Variants in MCTP1 observed in about 807,000 individuals in gnomAD.
MCTP1 encodes multiple C2 and transmembrane domain containing 1.
Under a neutral mutation model 120.6 loss-of-function variants are expected in MCTP1, and 69 were observed. That is an observed-to-expected ratio of 0.57 (90% CI 0.47 to 0.70). The LOEUF is 0.70. MCTP1 is among the 30% of genes least tolerant of loss of function. The pLI is 0.00. For synonymous variants in MCTP1, 529 were observed against 493.1 expected (o/e 1.07, Z -0.96); for missense variants, 1,203 against 1,248.8 (o/e 0.96, Z 0.55).
chr5:94,775,616 T>C (rs1327084209), intron 19 of MCTP1, among the ~76,000 whole-genome samples: 1 of 152,176 alleles, frequency 6.6e-6, no homozygotes, highest in Non-Finnish European at 1.5e-5. Flanking sequence ...GAACTCAGTA[T>C]GATGTCTTTC....
At chr5:94,765,880 A>T (rs1485820991) in intron 19 of MCTP1, among the ~76,000 whole-genome samples, 3 of 152,134 alleles carry the variant, frequency 2.0e-5, no homozygotes, top group Non-Finnish European at 4.4e-5. Flanking sequence ...AAAAGACATT[A>T]TAACTGATAC....
At chr5:95,130,289 T>C (rs1758946038) in intron 1 of MCTP1, among the ~76,000 whole-genome samples, 1 of 152,182 alleles carries the variant, frequency 6.6e-6, no homozygotes, top group Non-Finnish European at 1.5e-5. Flanking sequence ...TCCTATCTCC[T>C]ACCTCCTGGA....
At chr5:95,253,340 G>A (rs1460875201) in intron 1 of MCTP1, among the ~76,000 whole-genome samples, 1 of 152,024 alleles carries the variant, frequency 6.6e-6, no homozygotes, top group African/African-American at 2.4e-5. Context: ...CAGGGGGTGG[G>A]ACAACCATCT....
intron 1 of MCTP1, among the ~76,000 whole-genome samples, chr5:95,139,408 T>C (rs757574725): frequency 3.3e-5 from 5 of 152,198 alleles, no homozygotes; most frequent in Non-Finnish European, 5.9e-5. Context: ...GATCTAAACA[T>C]TGCACCATGT....
At chr5:95,024,218 T>G (rs1468890877) in intron 1 of MCTP1, 1 of 278,968 alleles carries the variant, frequency 3.6e-6, no homozygotes, top group African/African-American at 2.3e-5. Flanking sequence ...CTTCTGGTAG[T>G]TTTACAATTT....
intron 1 of MCTP1, among the ~76,000 whole-genome samples, chr5:95,174,148 T>C (rs1562208033): frequency 6.6e-6 from 1 of 152,166 alleles, no homozygotes; most frequent in African/African-American, 2.4e-5. Flanking sequence ...AGGGGCATGA[T>C]AACTATTTGT....
chr5:95,160,113 C>T (rs750878898), intron 1 of MCTP1, among the ~76,000 whole-genome samples: 1 of 152,088 alleles, frequency 6.6e-6, no homozygotes, highest in Non-Finnish European at 1.5e-5. Context: ...AATTTTGATG[C>T]CCTCTTGTGA....
At chr5:95,174,523 T>C (rs963502182) in intron 1 of MCTP1, among the ~76,000 whole-genome samples, 45 of 152,222 alleles carry the variant, frequency 3.0e-4, no homozygotes, top group African/African-American at 1.0e-3. Flanking sequence ...AATGGTGAGG[T>C]AGAATAGAGA....
At chr5:95,262,825 A>C (rs558679878) in intron 1 of MCTP1, among the ~76,000 whole-genome samples, 1 of 152,330 alleles carries the variant, frequency 6.6e-6, no homozygotes, top group East Asian at 1.9e-4. Flanking sequence ...TTTATGTCAA[A>C]CAATGTCATC....
At chr5:94,884,114 A>G (rs1800725969) in intron 12 of MCTP1, among the ~76,000 whole-genome samples, 1 of 152,204 alleles carries the variant, frequency 6.6e-6, no homozygotes, top group Non-Finnish European at 1.5e-5. Context: ...AACCAATAAA[A>G]ATGCAGGCAG....
At chr5:95,006,803 A>T (rs1834851825) in intron 2 of MCTP1, among the ~76,000 whole-genome samples, 1 of 152,204 alleles carries the variant, frequency 6.6e-6, no homozygotes, top group South Asian at 2.1e-4. Context: ...GATGAACTTT[A>T]ATGAAATTTA....
intron 1 of MCTP1, among the ~76,000 whole-genome samples, chr5:95,228,738 C>T (rs770684902): frequency 5.9e-5 from 9 of 152,142 alleles, no homozygotes; most frequent in African/African-American, 9.7e-5. Flanking sequence ...TTGGTACCGT[C>T]GTCCCGATAG....
chr5:94,748,045 G>A (rs1723310270), intron 19 of MCTP1, among the ~76,000 whole-genome samples: 1 of 152,180 alleles, frequency 6.6e-6, no homozygotes. Flanking sequence ...AGCTGAGATT[G>A]TGCCATTGCA....
intron 1 of MCTP1, among the ~76,000 whole-genome samples, chr5:95,030,895 C>G (rs11135418): frequency 0.71 from 107,893 of 151,668 alleles, 40,356 homozygotes; most frequent in Non-Finnish European, 0.85. Context: ...CAATAGAAAG[C>G]AGATATCCAA....
chr5:95,237,241 A>C (rs1755647082), intron 1 of MCTP1, among the ~76,000 whole-genome samples: 1 of 152,068 alleles, frequency 6.6e-6, no homozygotes, highest in Admixed American at 6.6e-5. Context: ...CAGCCCCTTA[A>C]CCTTTTCCCA....
At chr5:95,032,659 CTAACA>C (rs1446605377) in intron 1 of MCTP1, among the ~76,000 whole-genome samples, 1 of 151,868 alleles carries the variant, frequency 6.6e-6, no homozygotes, top group Admixed American at 6.6e-5. Context: ...AATTAACAAC[CTAACA>C]TGACACCCAA....
At chr5:94,878,269 A>G (rs925902352) in intron 12 of MCTP1, among the ~76,000 whole-genome samples, 7 of 152,120 alleles carry the variant, frequency 4.6e-5, no homozygotes, top group African/African-American at 1.2e-4. Context: ...TCCTCCTTTT[A>G]TCACTGGAGA....
chr5:94,802,705 C>T (rs779241997), intron 17 of MCTP1, among the ~76,000 whole-genome samples: 19 of 152,002 alleles, frequency 1.2e-4, no homozygotes, highest in Admixed American at 3.3e-4. Context: ...TTGGGGGAAA[C>T]GAGAGATACA....
chr5:95,072,475 A>G (rs1008602843), intron 1 of MCTP1, among the ~76,000 whole-genome samples: 2 of 152,132 alleles, frequency 1.3e-5, no homozygotes, highest in African/African-American at 4.8e-5. Flanking sequence ...CAGACATTAC[A>G]CTAGTGTTGG....
Sources: allele counts gnomAD v4.1 joint callset (sites outside exome capture counted in the v4.1 genomes callset), GRCh38; gene constraint gnomAD v4.1.1; transcripts MANE v1.5; gene names NCBI Gene and HGNC (gene_info 2026-07-23, HGNC 2026-07-21).